Variants in CLYBL observed in about 807,000 individuals in gnomAD.
CLYBL encodes citramalyl-CoA lyase, also known as citramalyl-CoA lyase, mitochondrial.
CLYBL carries 31 observed loss-of-function variants against 38.9 expected under a neutral mutation model. The observed-to-expected ratio is 0.80, with a 90% CI of 0.60 to 1.08. The LOEUF (loss-of-function observed/expected upper bound fraction) is 1.08. Ranked by LOEUF, CLYBL falls within the 50% of genes least tolerant of loss-of-function variation. The pLI is 0.00. For synonymous variants in CLYBL, 171 were observed against 158.6 expected (o/e 1.08, Z -0.59); for missense variants, 434 against 411.6 (o/e 1.05, Z -0.47).
chr13:99,642,254 G>A (rs1049234497), intron 1 of CLYBL, among the ~76,000 whole-genome samples: 3 of 152,180 alleles, frequency 2.0e-5, no homozygotes, highest in African/African-American at 4.8e-5. Flanking sequence ...TGGCTGAGGC[G>A]TGCCTCTAGT....
chr13:99,875,390 A>G (rs1322611425), intron 7 of CLYBL, among the ~76,000 whole-genome samples: 1 of 152,202 alleles, frequency 6.6e-6, no homozygotes, highest in Non-Finnish European at 1.5e-5. Flanking sequence ...TCATCTAGAA[A>G]CTTTACAAAC....
chr13:99,665,467 GAAAAC>G (rs1238769301), intron 1 of CLYBL, among the ~76,000 whole-genome samples: 1 of 151,672 alleles, frequency 6.6e-6, no homozygotes, highest in African/African-American at 2.4e-5. Context: ...TTAATATAAA[GAAAAC>G]AAATTTTCCT....
intron 8 of CLYBL, among the ~76,000 whole-genome samples, chr13:99,904,295 C>A (rs971897246): frequency 1.3e-5 from 2 of 152,180 alleles, no homozygotes; most frequent in African/African-American, 4.8e-5. Context: ...AACTCCCAGA[C>A]CTCGAAAGGC....
Position 99,865,169 on chromosome 13 carries a change from GC to G in CLYBL, c.634+262del. ...CACGAGCAATAGAAAGCCTGTTGCA[GC>G]CCCAGGCATGCTCAGGAATATATGG... On this transcript the variant is annotated intron_variant, in intron 5 of 8. Coordinates refer to ENST00000339105, the MANE Select transcript of CLYBL (RefSeq NM_206808.5). This position sits in a 1 kb window ranked among gnomAD's most constrained non-coding sequence, Gnocchi z 4.7. 1 of 452,374 alleles carries G rather than the reference GC, an allele frequency of 2.2e-6. No individual in the cohort carries two copies. Among genetic ancestry groups the G allele is most frequent in the Non-Finnish European group, 4.2e-6 (1 of 237,918 alleles). The allele number at this position is 452,374 out of a possible 1,614,324, so 28.0% of individuals were successfully genotyped here.
intron 2 of CLYBL, among the ~76,000 whole-genome samples, chr13:99,793,036 ACAC>A (rs2049950841): frequency 1.5e-5 from 1 of 65,412 alleles, no homozygotes; most frequent in Non-Finnish European, 5.1e-5. Flanking sequence ...CATACATAAC[ACAC>A]ACACACACAC....
Position 99,877,349 on chromosome 13 carries a change from T to C in CLYBL, c.927+6287T>C, listed in dbSNP as rs551255431. ...CTTCCTGTATTTCTCCCTCTAAGGA[T>C]GGATGGGTCTGTGTGTGTATCTTTC... On this transcript the variant is annotated intron_variant, in intron 7 of 8. Transcript: ENST00000339105. Among the ~76,000 whole-genome samples the C allele has an allele frequency of 1.7e-3, 258 of 152,234 alleles. 1 individual carries two copies. The highest frequency in any genetic ancestry group is 2.9e-3 in the Non-Finnish European group (200 of 67,994).
At chr13:99,616,156 T>C (rs1302116395) in intron 1 of CLYBL, among the ~76,000 whole-genome samples, 1 of 148,560 alleles carries the variant, frequency 6.7e-6, no homozygotes, top group Non-Finnish European at 1.5e-5. Flanking sequence ...TTTTTTTTTT[T>C]TTTTTTTTTT....
At chr13:99,635,632 G>A (rs923432921) in intron 1 of CLYBL, among the ~76,000 whole-genome samples, 1 of 152,194 alleles carries the variant, frequency 6.6e-6, no homozygotes, top group Admixed American at 6.5e-5. Context: ...CTAGCATGCT[G>A]AACTGAGTGG....
chr13:99,696,109 T>C (rs77819315), intron 1 of CLYBL, among the ~76,000 whole-genome samples: 4,656 of 152,288 alleles, frequency 0.031, 229 homozygotes, highest in African/African-American at 0.11. Context: ...TGACTTTCCA[T>C]GTAGAATAGC....
At chr13:99,880,171 G>A (rs1480534520) in intron 7 of CLYBL, among the ~76,000 whole-genome samples, 3 of 149,872 alleles carry the variant, frequency 2.0e-5, no homozygotes, top group Non-Finnish European at 4.4e-5. Context: ...AGGTTCAAGC[G>A]ATTCTCATGC....
At chr13:99,789,003 T>C (rs1198235891) in intron 2 of CLYBL, among the ~76,000 whole-genome samples, 1 of 152,236 alleles carries the variant, frequency 6.6e-6, no homozygotes, top group Non-Finnish European at 1.5e-5. Flanking sequence ...ATGTTTATAG[T>C]ATTCTCTGAT....
chr13:99,667,213 T>C (rs1025591309), intron 1 of CLYBL, among the ~76,000 whole-genome samples: 9 of 152,134 alleles, frequency 5.9e-5, no homozygotes, highest in African/African-American at 7.2e-5. Flanking sequence ...TGGGAACTTA[T>C]AACAACAGAT....
intron 2 of CLYBL, among the ~76,000 whole-genome samples, chr13:99,855,057 A>G (rs1211904505): frequency 1.3e-5 from 2 of 152,210 alleles, no homozygotes; most frequent in Non-Finnish European, 2.9e-5. Context: ...CTCTGGATCA[A>G]ACATGATCCA....
chr13:99,666,353 C>T (rs2047481099), intron 1 of CLYBL, among the ~76,000 whole-genome samples: 1 of 151,958 alleles, frequency 6.6e-6, no homozygotes. Flanking sequence ...TTTAGGCAGC[C>T]TGACCTTCAC....
At chr13:99,767,684 C>T (rs2049295146) in intron 1 of CLYBL, among the ~76,000 whole-genome samples, 1 of 152,128 alleles carries the variant, frequency 6.6e-6, no homozygotes, top group South Asian at 2.1e-4. Context: ...TTCCATTGTC[C>T]TCTCTTCAAG....
intron 1 of CLYBL, among the ~76,000 whole-genome samples, chr13:99,661,088 A>G (rs2047402167): frequency 6.6e-6 from 1 of 152,190 alleles, no homozygotes; most frequent in Admixed American, 6.5e-5. Flanking sequence ...ATTTTTGACA[A>G]AACACATTTA....
chr13:99,682,552 G>T (rs961410627), intron 1 of CLYBL, among the ~76,000 whole-genome samples: 1 of 152,092 alleles, frequency 6.6e-6, no homozygotes, highest in Non-Finnish European at 1.5e-5. Flanking sequence ...TACCATGAAT[G>T]GAGCTTGCAG....
chr13:99,731,082 CAAAAAAA>C lies in CLYBL; in HGVS notation c.63-41724_63-41718del, dbSNP rs764705741. 2.6e-4 allele frequency among the ~76,000 whole-genome samples: 15 copies of C among 57,016 alleles called. No homozygotes were observed. In the East Asian group the frequency reaches 4.0e-3, roughly 15 times the overall value. 37.4% of individuals were successfully genotyped at this position (57,016 alleles called of 152,430 possible). On this transcript the variant is annotated intron_variant, in intron 1 of 8. Transcript: ENST00000339105. ...TGGGTGACAGAGTGAGACTCTGTTT[CAAAAAAA>C]AAAAAAAAAAAAAAAAAGGCGGGGG... is the stretch of plus-strand genomic sequence containing the variant.
At chr13:99,693,987 C>T (rs931432635) in intron 1 of CLYBL, among the ~76,000 whole-genome samples, 9 of 152,112 alleles carry the variant, frequency 5.9e-5, no homozygotes, top group African/African-American at 2.2e-4. Context: ...CGTAATTGCC[C>T]AAATTTACAA....
Sources: allele counts gnomAD v4.1 joint callset (sites outside exome capture counted in the v4.1 genomes callset), GRCh38; gene constraint gnomAD v4.1.1; non-coding constraint Gnocchi (gnomAD v3.1); transcripts MANE v1.5; gene names NCBI Gene and HGNC (gene_info 2026-07-23, HGNC 2026-07-21).